The following AKAIN1 variants were observed in gnomAD, a reference collection of about 807,000 sequenced individuals.
AKAIN1 encodes the protein A-kinase anchor inhibitor 1, also known as A-kinase anchor protein inhibitor 1.
In AKAIN1, 3 loss-of-function variants were observed where a neutral mutation model predicts 3.7. The ratio of observed to expected loss-of-function variants is 0.82; its 90% confidence interval spans 0.37 to 2.12. The LOEUF (loss-of-function observed/expected upper bound fraction) is 2.12. Ranked by LOEUF, AKAIN1 falls within the 30% of genes most tolerant of loss-of-function variation. AKAIN1 has a pLI of 0.06. For missense variants in AKAIN1, 82 were observed against 82.7 expected (o/e 0.99, Z 0.03); for synonymous variants, 31 against 30.8 (o/e 1.01, Z -0.02).
intron 1 of AKAIN1, among the ~76,000 whole-genome samples, chr18:5,168,637 T>G (rs1401066241): frequency 6.6e-6 from 1 of 152,044 alleles, no homozygotes; most frequent in Non-Finnish European, 1.5e-5. Flanking sequence ...CCCTTCTTTA[T>G]GGATCCTGCC....
intron 1 of AKAIN1, among the ~76,000 whole-genome samples, chr18:5,190,207 G>A (rs2071311174): frequency 6.6e-6 from 1 of 152,022 alleles, no homozygotes; most frequent in African/African-American, 2.4e-5. Context: ...ACTTATGAGG[G>A]GAGAATCCTC....
intron 1 of AKAIN1, among the ~76,000 whole-genome samples, chr18:5,160,128 T>C (rs2071130977): frequency 6.6e-6 from 1 of 152,176 alleles, no homozygotes; most frequent in South Asian, 2.1e-4. Context: ...GTCTGCATTG[T>C]AGAGAATAAT....
intron 1 of AKAIN1, among the ~76,000 whole-genome samples, chr18:5,185,244 G>C (rs2071280193): frequency 6.6e-6 from 1 of 151,970 alleles, no homozygotes; most frequent in Admixed American, 6.6e-5. Context: ...TAAAAACCCT[G>C]GAAAATAACC....
Position 5,143,362 on chromosome 18 carries a change from C to A in AKAIN1, c.*2200G>T, listed in dbSNP as rs1451548423. ...CCTTTTGTCCTCCCAACAACTTAGT[C>A]ATATCTCTGTTCCTTGCTGTCGATT... On this transcript the variant is annotated 3_prime_UTR_variant, in exon 2 of 2. Transcript: ENST00000434239. Among the ~76,000 whole-genome samples, 1 of 152,206 alleles carries A rather than the reference C, an allele frequency of 6.6e-6. No individual in the cohort carries two copies. The highest frequency in any genetic ancestry group is 2.4e-5 in the African/African-American group (1 of 41,452).
intron 1 of AKAIN1, among the ~76,000 whole-genome samples, chr18:5,170,426 A>G (rs1173120193): frequency 6.6e-6 from 1 of 152,156 alleles, no homozygotes; most frequent in Non-Finnish European, 1.5e-5. Context: ...TGGATAACTG[A>G]GCAAGTTAAA....
chr18:5,171,415 G>A lies in AKAIN1; in HGVS notation c.16+25623C>T, dbSNP rs151146736. Among the ~76,000 whole-genome samples, 178 of 152,124 alleles carry A rather than the reference G, an allele frequency of 1.2e-3. 1 individual carries two copies. The East Asian group carries it at 0.031, about 26-fold the overall frequency. On this transcript the variant is annotated intron_variant, in intron 1 of 1. Coordinates refer to ENST00000434239, the MANE Select transcript of AKAIN1 (RefSeq NM_001145194.2). ...AAGTGAAGAGACAACCCACAGAATG[G>A]AAGAAAATGTTTGCAAACTTCCCAT...
chr18:5,183,409 C>T (rs530419274), intron 1 of AKAIN1, among the ~76,000 whole-genome samples: 1 of 151,994 alleles, frequency 6.6e-6, no homozygotes, highest in South Asian at 2.1e-4. Flanking sequence ...ATTATGCTTT[C>T]TAAAATTTCT....
chr18:5,168,774 C>A (rs1456170948), intron 1 of AKAIN1, among the ~76,000 whole-genome samples: 2 of 151,164 alleles, frequency 1.3e-5, no homozygotes, highest in African/African-American at 4.9e-5. Context: ...AACCATTACC[C>A]AACAGTGGTC....
chr18:5,191,703 G>A (rs946122982), intron 1 of AKAIN1, among the ~76,000 whole-genome samples: 6 of 151,918 alleles, frequency 3.9e-5, no homozygotes, highest in Admixed American at 3.9e-4. Flanking sequence ...AAAAAAAGTT[G>A]GAGGACTTAC....
chr18:5,188,190 G>T (rs988687855), intron 1 of AKAIN1, among the ~76,000 whole-genome samples: 1 of 152,068 alleles, frequency 6.6e-6, no homozygotes, highest in African/African-American at 2.4e-5. Flanking sequence ...TGGTTTTGGT[G>T]GGCTCAGTTC....
rs1424744071 is a variant in AKAIN1, at chr18:5,145,308, T to A, written c.*254A>T. 4 of 352,554 alleles carry A rather than the reference T, an allele frequency of 1.1e-5. No individual in the cohort carries two copies. The highest frequency in any genetic ancestry group is 5.1e-6 in the Non-Finnish European group (1 of 195,436). 21.8% of individuals were successfully genotyped at this position (352,554 alleles called of 1,614,324 possible). On this transcript the variant is annotated 3_prime_UTR_variant, in exon 2 of 2. Transcript: ENST00000434239. ...AAAGAACTTTAAAAATAAATTGGCC[T>A]GCAAAACTACTTTTGCAATTACAGT...
intron 1 of AKAIN1, among the ~76,000 whole-genome samples, chr18:5,155,547 C>T (rs1452946053): frequency 1.3e-5 from 2 of 152,168 alleles, no homozygotes; most frequent in Non-Finnish European, 2.9e-5. Context: ...GAATGGCTGC[C>T]CTGCAGGCTG....
At chr18:5,195,147 TG>T (rs540218151) in intron 1 of AKAIN1, among the ~76,000 whole-genome samples, 1,124 of 89,658 alleles carry the variant, frequency 0.013, 11 homozygotes, top group African/African-American at 0.036. Context: ...GAAGAAGTGA[TG>T]AAAAAAAAAG....
intron 1 of AKAIN1, among the ~76,000 whole-genome samples, chr18:5,150,362 T>A (rs999365830): frequency 6.6e-6 from 1 of 152,230 alleles, no homozygotes; most frequent in African/African-American, 2.4e-5. Context: ...CACTTCAATG[T>A]AATGAATCAC....
chr18:5,171,181 G>A (rs781391232), intron 1 of AKAIN1, among the ~76,000 whole-genome samples: 2 of 152,072 alleles, frequency 1.3e-5, no homozygotes, highest in African/African-American at 4.8e-5. Flanking sequence ...TACACATGAG[G>A]AAACTGAGAC....
At chr18:5,156,902 A>G (rs2071111652) in intron 1 of AKAIN1, among the ~76,000 whole-genome samples, 1 of 152,204 alleles carries the variant, frequency 6.6e-6, no homozygotes, top group Non-Finnish European at 1.5e-5. Flanking sequence ...GGGACAGGAC[A>G]TGGTGTGAAA....
intron 1 of AKAIN1, among the ~76,000 whole-genome samples, chr18:5,174,594 A>G (rs1359674733): frequency 6.6e-6 from 1 of 152,164 alleles, no homozygotes; most frequent in Non-Finnish European, 1.5e-5. Flanking sequence ...TACAAAAATT[A>G]GCAGAGCATG....
chr18:5,180,097 C>G (rs116387989), intron 1 of AKAIN1, among the ~76,000 whole-genome samples: 1,996 of 152,162 alleles, frequency 0.013, 46 homozygotes, highest in African/African-American at 0.044. Flanking sequence ...CACTTTCTTC[C>G]CAAAAGAATT....
In AKAIN1 at chr18:5,143,839, T is replaced by G. The variant is rs2071034222; in HGVS notation, c.*1723A>C. On this transcript the variant is annotated 3_prime_UTR_variant, in exon 2 of 2. Transcript: ENST00000434239. ...ACTTGACAGCAAAAACAAAGGCTGG[T>G]CATATCCAGATATCTGAGTAGACAT... 6.6e-6 allele frequency among the ~76,000 whole-genome samples: 1 copy of G among 152,192 alleles called. No individual in the cohort carries two copies. Among genetic ancestry groups the G allele is most frequent in the Non-Finnish European group, 1.5e-5 (1 of 68,032 alleles).
Sources: allele counts gnomAD v4.1 joint callset (sites outside exome capture counted in the v4.1 genomes callset), GRCh38; gene constraint gnomAD v4.1.1; transcripts MANE v1.5; gene names NCBI Gene and HGNC (gene_info 2026-07-23, HGNC 2026-07-21).